MUC4: variants seen among roughly 807,000 people sequenced by gnomAD.
The protein encoded by MUC4 is mucin-4.
A neutral mutation model predicts 257.9 loss-of-function variants in MUC4; 202 were observed. The ratio of observed to expected loss-of-function variants is 0.78; its 90% confidence interval spans 0.70 to 0.88. MUC4 has a LOEUF of 0.88. Ranked by LOEUF, MUC4 falls within the 40% of genes least tolerant of loss-of-function variation. The pLI, the probability that MUC4 is intolerant of heterozygous loss-of-function variation, is 0.00. For synonymous variants in MUC4, 2,351 were observed against 2,757.1 expected (o/e 0.85, Z 4.62); for missense variants, 5,976 against 6,513.7 (o/e 0.92, Z 2.84).
intron 15 of MUC4, 139 bp from the exon 16 acceptor site, chr3:195,761,256 C>G: frequency 1.3e-6 from 1 of 797,200 alleles, no homozygotes; most frequent in Non-Finnish European, 2.0e-6. Context: ...GCTTCTGAGT[C>G]TAGAAACACC....
chr3:195,767,674 A>G (rs1195608248), intron 7 of MUC4, among the ~76,000 whole-genome samples: 7 of 10,888 alleles, frequency 6.4e-4, no homozygotes, highest in African/African-American at 1.9e-3. Flanking sequence ...CATCACCATC[A>G]CCACCATCAC....
Position 195,762,151 on chromosome 3 carries a change from G to A in MUC4, c.14448C>T (p.Ser4816=). 1 of 1,606,664 alleles carries A rather than the reference G, an allele frequency of 6.2e-7. No homozygotes were observed. The highest frequency in any genetic ancestry group is 8.5e-7 in the Non-Finnish European group (1 of 1,177,410). ...GWATVSVIAL[S]NILHASASLP... ...GGCTGGCGGAGGCGTGGAGGATGTT[G>A]GAGAGCGCGATCACCGAGACGGTGG... Residue 4816 remains serine (S), a synonymous_variant, in exon 14 of 25, where the codon TCC becomes TCT. Coordinates refer to ENST00000463781, the MANE Select transcript of MUC4 (RefSeq NM_018406.7).
At chr3:195,763,663 T>C in intron 11 of MUC4, 22 bp from the exon 12 acceptor site, 1 of 1,475,250 alleles carries the variant, frequency 6.8e-7, no homozygotes, top group South Asian at 1.4e-5. Flanking sequence ...AAAGAGATGC[T>C]GCCTCAGCAT....
At chr3:195,767,424 T>G (rs896830108) in intron 7 of MUC4, among the ~76,000 whole-genome samples, 1 of 69,320 alleles carries the variant, frequency 1.4e-5, no homozygotes, top group Non-Finnish European at 3.1e-5. Context: ...CCACCAACAC[T>G]ACCATCACCA....
At position 195,788,978 on chromosome 3, in the gene MUC4, C is replaced by G. The variant is rs373816796; in HGVS notation, c.2602G>C (p.Val868Leu). The change falls in exon 2 of 25, where the codon GTC becomes CTC. Residue 868 changes from valine (V) to leucine (L), a missense_variant. Transcript: ENST00000463781. ...PVSTGMASSI[V>L]PGTFHPTLSE... ...AGGGTGGGATGAAAGGTGCCGGGGA[C>G]GATCGAAGACGCCATTCCTGTGCTT... 3.1e-6 allele frequency: 5 copies of G among 1,613,656 alleles called. No individual in the cohort carries two copies. Among genetic ancestry groups the G allele is most frequent in the East Asian group, 4.5e-5 (2 of 44,860 alleles).
chr3:195,800,496 G>T (rs1467707904), intron 1 of MUC4, among the ~76,000 whole-genome samples: 1 of 152,154 alleles, frequency 6.6e-6, no homozygotes, highest in Non-Finnish European at 1.5e-5. Context: ...TTGTGAGGAG[G>T]AAGAGATTAG....
chr3:195,755,482 T>G lies in MUC4; in HGVS notation c.15169-1110A>C, dbSNP rs923362817. 2.6e-5 allele frequency among the ~76,000 whole-genome samples: 4 copies of G among 152,130 alleles called. No individual in the cohort carries two copies. Among genetic ancestry groups the G allele is most frequent in the African/African-American group, 9.7e-5 (4 of 41,414 alleles). On this transcript the variant is annotated intron_variant, in intron 18 of 24. Transcript: ENST00000463781. This position sits in a 1 kb window ranked among gnomAD's most constrained non-coding sequence, Gnocchi z 5.0. Reference sequence around the variant, plus strand: ...TGTGGCCTGCAAACTGGATTTCATATAAGCTGAAATTGACCTCCCTTGCTG... The same window carrying G: ...TGTGGCCTGCAAACTGGATTTCATAGAAGCTGAAATTGACCTCCCTTGCTG...
At chr3:195,754,695 G>A (rs1459211349) in intron 18 of MUC4, among the ~76,000 whole-genome samples, 1 of 152,234 alleles carries the variant, frequency 6.6e-6, no homozygotes, top group African/African-American at 2.4e-5. Context: ...GATGGGGGAT[G>A]CATGAATGAT....
chr3:195,779,559 G>A lies in MUC4; in HGVS notation c.12021C>T (p.Ser4007=). The A allele has an allele frequency of 7.2e-7, 1 of 1,395,738 alleles. No homozygotes were observed. Among genetic ancestry groups the A allele is most frequent in the Non-Finnish European group, 9.6e-7 (1 of 1,041,580 alleles). The allele number at this position is 1,395,738 out of a possible 1,614,324, so 86.5% of individuals were successfully genotyped here. A position where few individuals can be genotyped will look rare whatever the true frequency, so the allele number is the denominator to read the frequency against. ...HATPLPVTST[S]SVSTGHATPL... is the part of the protein sequence containing the mutation. ...GGGTGGCGTGACCTGTAGATACTGA[G>A]GAAGTGCTGGTGACAGGAAGAGGGG... Residue 4007 remains serine, a synonymous_variant, in exon 2 of 25, where the codon TCC becomes TCT. Coordinates refer to ENST00000463781, the MANE Select transcript of MUC4 (RefSeq NM_018406.7).
At chr3:195,777,872 A>T (rs1725299103) in intron 3 of MUC4, among the ~76,000 whole-genome samples, 3 of 131,268 alleles carry the variant, frequency 2.3e-5, no homozygotes, top group Admixed American at 7.5e-5. Context: ...TTCCACACCC[A>T]TACCTTCCAC....
Position 195,787,884 on chromosome 3 carries a change from A to G in MUC4, c.3696T>C (p.Ser1232=), listed in dbSNP as rs1732896715. ...CTGCGGAAGGGATGGTTACAGGAAG[A>G]GAGGTGGCGTGATCTGTGGACACTG... is the stretch of plus-strand genomic sequence containing the variant. ...ASSVSTDHAT[S]LPVTIPSAAS... is the part of the protein sequence containing the mutation. The change falls in exon 2 of 25, where the codon TCT becomes TCC. Residue 1232 remains serine (S), a synonymous_variant. Transcript: ENST00000463781. 1.0e-5 allele frequency: 6 copies of G among 592,260 alleles called. 1 individual carries two copies. The highest frequency in any genetic ancestry group is 1.6e-5 in the Non-Finnish European group (6 of 384,550). The allele number at this position is 592,260 out of a possible 1,614,324, so 36.7% of individuals were successfully genotyped here.
At chr3:195,766,601 A>G in intron 8 of MUC4, 62 bp downstream of exon 8, 3 of 1,464,920 alleles carry the variant, frequency 2.0e-6, no homozygotes, top group South Asian at 2.3e-5. Context: ...GCGATGGTGT[A>G]TGGGCTGGAG....
chr3:195,785,538 G>T lies in MUC4; in HGVS notation c.6042C>A (p.Ala2014=), dbSNP rs780626272. 26 of 1,518,420 alleles carry T rather than the reference G, an allele frequency of 1.7e-5. 4 individuals carry two copies. The Admixed American group carries it at 3.6e-4, about 21-fold the overall frequency. 94.1% of individuals were successfully genotyped at this position (1,518,420 alleles called of 1,614,324 possible). ...AAAGGCTGGTGACAGGAAGAGGGGT[G>T]GCCTGTCCTGTAGATACTGAGGAAG... is the stretch of plus-strand genomic sequence containing the variant. ...TDTSSVSTGQ[A]TPLPVTSLSS... The change falls in exon 2 of 25, where the codon GCC becomes GCA. Residue 2014 remains alanine (A), a synonymous_variant. Transcript: ENST00000463781.
chr3:195,746,916 G>A lies in MUC4; in HGVS notation c.*260C>T, dbSNP rs568062164. 2.0e-4 allele frequency: 119 copies of A among 588,380 alleles called. No homozygotes were observed. Among genetic ancestry groups the A allele is most frequent in the African/African-American group, 1.3e-3 (70 of 53,948 alleles). The allele number at this position is 588,380 out of a possible 1,614,324, so 36.4% of individuals were successfully genotyped here. A position where few individuals can be genotyped will look rare whatever the true frequency, so the allele number is the denominator to read the frequency against. ...TGTGTGTGTGTGTGTGCACGCGCGC[G>A]TGCACAGGCTAGTGTCCTTCTGTGG... On this transcript the variant is annotated 3_prime_UTR_variant, in exon 25 of 25. Coordinates refer to ENST00000463781, the MANE Select transcript of MUC4 (RefSeq NM_018406.7).
chr3:195,761,395 G>T (rs1718874403), intron 15 of MUC4, 89 bp downstream of exon 15: 11 of 1,144,558 alleles, frequency 9.6e-6, no homozygotes, highest in Non-Finnish European at 1.3e-5. Context: ...GAGGATGGAG[G>T]TCTGCTTCCT....
chr3:195,767,603 T>TCACCAC (rs1721224829), intron 7 of MUC4, among the ~76,000 whole-genome samples: 1 of 42,454 alleles, frequency 2.4e-5, no homozygotes. Flanking sequence ...ACCACCATCA[T>TCACCAC]CACCATTGCC....
intron 4 of MUC4, among the ~76,000 whole-genome samples, chr3:195,772,843 TATAGACACCCTCCCTTCATCGCTCAGGG>T (rs1723346986): frequency 3.8e-4 from 41 of 107,966 alleles, no homozygotes; most frequent in African/African-American, 1.1e-3. Context: ...CGCTCAGGGG[TATAGACACCCTCCCTTCATCGCTCAGGG>T]GTGCTCAGGG....
chr3:195,775,910 C>G (rs1724524290), intron 3 of MUC4, among the ~76,000 whole-genome samples: 1 of 114,498 alleles, frequency 8.7e-6, no homozygotes, highest in Non-Finnish European at 1.7e-5. Flanking sequence ...CACACCCATA[C>G]CTTCCACACC....
At chr3:195,775,173 A>C (rs1429973785) in intron 3 of MUC4, among the ~76,000 whole-genome samples, 1 of 152,026 alleles carries the variant, frequency 6.6e-6, no homozygotes, top group Non-Finnish European at 1.5e-5. Context: ...CACTGCCTGC[A>C]AATCGGACCG....
Sources: allele counts gnomAD v4.1 joint callset (sites outside exome capture counted in the v4.1 genomes callset), GRCh38; gene constraint gnomAD v4.1.1; non-coding constraint Gnocchi (gnomAD v3.1); transcripts MANE v1.5; gene names NCBI Gene and HGNC (gene_info 2026-07-23, HGNC 2026-07-21).